Variants in TMEM178B observed in about 807,000 individuals in gnomAD.
TMEM178B encodes transmembrane protein 178B.
Under a neutral mutation model 31.0 loss-of-function variants are expected in TMEM178B, and 5 were observed. The ratio of observed to expected loss-of-function variants is 0.16; its 90% confidence interval spans 0.08 to 0.34. The LOEUF is 0.34. Among genes scored for constraint, TMEM178B ranks in the 10% least tolerant of loss-of-function variants. The pLI is 1.00. For synonymous variants in TMEM178B, 164 were observed against 164.0 expected (o/e 1.00, Z 0.00); for missense variants, 275 against 400.3 (o/e 0.69, Z 2.67).
chr7:141,162,995 T>A (rs1465744361), intron 1 of TMEM178B, among the ~76,000 whole-genome samples: 2 of 152,216 alleles, frequency 1.3e-5, no homozygotes, highest in African/African-American at 4.8e-5. Context: ...TTTAAAGCAG[T>A]GTATCAGCTA....
chr7:141,282,904 G>A (rs1798388699), intron 2 of TMEM178B, among the ~76,000 whole-genome samples: 1 of 152,190 alleles, frequency 6.6e-6, no homozygotes, highest in Admixed American at 6.5e-5. Context: ...TAGGTATAAT[G>A]ATAGATATAA....
At chr7:141,161,202 A>T (rs993068854) in intron 1 of TMEM178B, among the ~76,000 whole-genome samples, 1 of 152,158 alleles carries the variant, frequency 6.6e-6, no homozygotes, top group African/African-American at 2.4e-5. Context: ...AGAGAGATGT[A>T]AGGATGAATG....
At chr7:141,216,648 A>G (rs575872991) in intron 2 of TMEM178B, among the ~76,000 whole-genome samples, 10 of 152,100 alleles carry the variant, frequency 6.6e-5, no homozygotes, top group African/African-American at 1.9e-4. Flanking sequence ...CTGGCTTTTT[A>G]GGTGATTGCT....
At chr7:141,197,314 G>T (rs1346917705) in intron 1 of TMEM178B, among the ~76,000 whole-genome samples, 5 of 152,168 alleles carry the variant, frequency 3.3e-5, no homozygotes, top group Admixed American at 1.3e-4. Context: ...CATATCTAGG[G>T]ATTCTTAAAG....
chr7:141,508,686 T>A, the TMEM178B span, among the ~76,000 whole-genome samples: 82 of 151,352 alleles, frequency 5.4e-4, no homozygotes, highest in Middle Eastern at 3.4e-3. Context: ...GCAGCAAGAG[T>A]AAATGAGGAA....
At chr7:141,148,205 C>G (rs1795886859) in intron 1 of TMEM178B, among the ~76,000 whole-genome samples, 1 of 152,184 alleles carries the variant, frequency 6.6e-6, no homozygotes, top group South Asian at 2.1e-4. Context: ...CCATCATCTT[C>G]TCCAACTTTA....
chr7:141,486,240 G>A, the TMEM178B span, among the ~76,000 whole-genome samples: 2 of 152,092 alleles, frequency 1.3e-5, no homozygotes, highest in Non-Finnish European at 2.9e-5. Flanking sequence ...AGACAACGGA[G>A]ACCCAGAAAG....
At chr7:141,228,505 T>C (rs1236758762) in intron 2 of TMEM178B, among the ~76,000 whole-genome samples, 1 of 152,168 alleles carries the variant, frequency 6.6e-6, no homozygotes, top group Admixed American at 6.5e-5. Context: ...ATTGGAGCTG[T>C]GAATAATTCA....
intron 2 of TMEM178B, among the ~76,000 whole-genome samples, chr7:141,319,945 A>G (rs1799070070): frequency 6.6e-6 from 1 of 152,142 alleles, no homozygotes; most frequent in African/African-American, 2.4e-5. Flanking sequence ...TTGATATGAT[A>G]TGGTTTGGCT....
At chr7:141,262,759 T>G (rs973061673) in intron 2 of TMEM178B, among the ~76,000 whole-genome samples, 2 of 152,084 alleles carry the variant, frequency 1.3e-5, no homozygotes, top group African/African-American at 4.8e-5. Context: ...TAGGCGTAAG[T>G]GACTGATACA....
chr7:141,483,787 G>A (rs1203017543), downstream of TMEM178B, among the ~76,000 whole-genome samples: 2 of 150,342 alleles, frequency 1.3e-5, no homozygotes, highest in Non-Finnish European at 3.0e-5. Context: ...CCAGGCTGGA[G>A]TGCAGTAGCA....
chr7:141,325,773 G>T (rs1799178894), intron 2 of TMEM178B, among the ~76,000 whole-genome samples: 1 of 152,086 alleles, frequency 6.6e-6, no homozygotes, highest in Non-Finnish European at 1.5e-5. Context: ...CACCTGGGAT[G>T]GTTTGAATCC....
chr7:141,127,131 AGTGTCC>A (rs1563094625), intron 1 of TMEM178B, among the ~76,000 whole-genome samples: 1 of 152,186 alleles, frequency 6.6e-6, no homozygotes, highest in Admixed American at 6.5e-5. Context: ...GCCATAAAAT[AGTGTCC>A]CTACCTCTTG....
intron 2 of TMEM178B, among the ~76,000 whole-genome samples, chr7:141,261,653 G>A (rs943404377): frequency 1.3e-5 from 2 of 152,050 alleles, no homozygotes; most frequent in East Asian, 1.9e-4. Flanking sequence ...ACTGAGCTCC[G>A]GCCCCGCTCC....
At chr7:141,307,185 T>TC (rs398095430) in intron 2 of TMEM178B, among the ~76,000 whole-genome samples, 3 of 151,938 alleles carry the variant, frequency 2.0e-5, no homozygotes, top group East Asian at 3.9e-4. Context: ...ATCACTTTTT[T>TC]CTGAACTATA....
chr7:141,181,841 T>G (rs1796534855), intron 1 of TMEM178B, among the ~76,000 whole-genome samples: 1 of 152,186 alleles, frequency 6.6e-6, no homozygotes, highest in Non-Finnish European at 1.5e-5. Flanking sequence ...CGCAATCACT[T>G]TCTTTAGAAT....
chr7:141,168,125 C>A lies in TMEM178B; in HGVS notation c.383-44466C>A, dbSNP rs576171999. On this transcript the variant is annotated intron_variant, in intron 1 of 3. Transcript: ENST00000565468. ...CAGGGCAGAGACCGGGAATCTGAGT[C>A]CCATAGTGTTTAAGTGACTTGCTTG... is the stretch of plus-strand genomic sequence containing the variant. Among the ~76,000 whole-genome samples, 12 of 152,254 alleles carry A rather than the reference C, an allele frequency of 7.9e-5. No homozygotes were observed. In the East Asian group the frequency reaches 2.1e-3, roughly 27 times the overall value.
chr7:141,215,584 C>T (rs903555021), intron 2 of TMEM178B, among the ~76,000 whole-genome samples: 2 of 151,760 alleles, frequency 1.3e-5, no homozygotes, highest in Non-Finnish European at 2.9e-5. Flanking sequence ...CCTCAGCCTT[C>T]CAAAGTGCTG....
chr7:141,165,533 A>G (rs1796247691), intron 1 of TMEM178B, among the ~76,000 whole-genome samples: 2 of 152,176 alleles, frequency 1.3e-5, no homozygotes, highest in South Asian at 4.1e-4. Context: ...AGGTTTCTCC[A>G]CTGTCTAGTT....
Sources: gnomAD v4.1 joint callset for allele counts (sites outside exome capture counted in the v4.1 genomes callset) on GRCh38, gnomAD v4.1.1 for gene constraint, MANE v1.5 for transcripts, NCBI Gene and HGNC (gene_info 2026-07-23, HGNC 2026-07-21) for gene names.